Variants in SYN3 observed in about 807,000 individuals in gnomAD.
The protein encoded by SYN3 is synapsin-3.
SYN3 carries 35 observed loss-of-function variants against 65.8 expected under a neutral mutation model. The observed-to-expected ratio is 0.53, with a 90% confidence interval of 0.41 to 0.70. SYN3 has a LOEUF of 0.70. Among genes scored for constraint, SYN3 ranks in the 30% least tolerant of loss-of-function variants. SYN3 has a pLI of 0.00. For synonymous variants in SYN3, 270 were observed against 292.9 expected (o/e 0.92, Z 0.80); for missense variants, 680 against 749.0 (o/e 0.91, Z 1.08).
chr22:32,991,355 A>ATAATAC (rs2052710033), intron 2 of SYN3, among the ~76,000 whole-genome samples: 1 of 148,358 alleles, frequency 6.7e-6, no homozygotes, highest in African/African-American at 2.5e-5. Context: ...AATAATAATA[A>ATAATAC]TAATAATAAT....
At chr22:32,556,362 T>G (rs2058495615) in intron 7 of SYN3, among the ~76,000 whole-genome samples, 1 of 152,188 alleles carries the variant, frequency 6.6e-6, no homozygotes, top group Admixed American at 6.5e-5. Context: ...CCACGTGATT[T>G]TCACATGGTA....
intron 6 of SYN3, among the ~76,000 whole-genome samples, chr22:32,760,357 G>T (rs73156468): frequency 0.14 from 21,335 of 151,826 alleles, 1,518 homozygotes; most frequent in Middle Eastern, 0.2. Flanking sequence ...AGCACCTCCT[G>T]CATGCTTGGA....
chr22:32,818,692 C>T (rs1601439109), intron 6 of SYN3, among the ~76,000 whole-genome samples: 1 of 152,172 alleles, frequency 6.6e-6, no homozygotes, highest in African/African-American at 2.4e-5. Context: ...CCAGCTCTTG[C>T]ACCATTAACT....
At position 32,872,716 on chromosome 22, in the gene SYN3, C is replaced by A. The variant is rs188664037; in HGVS notation, c.462-3591G>T. On this transcript the variant is annotated intron_variant, in intron 4 of 13. Transcript: ENST00000358763. ...CTGGGCAACCTGTGGCATTCAGTTCCTCCCTCTGTACCCAGCACCCCAGGT... is the reference window on the plus strand; with the variant it reads ...CTGGGCAACCTGTGGCATTCAGTTCATCCCTCTGTACCCAGCACCCCAGGT... Among the ~76,000 whole-genome samples the A allele has an allele frequency of 1.3e-3, 200 of 152,218 alleles. 1 individual carries two copies. The highest frequency in any genetic ancestry group is 4.6e-3 in the African/African-American group (190 of 41,530).
intron 10 of SYN3, among the ~76,000 whole-genome samples, chr22:32,531,089 C>T (rs1351200723): frequency 1.4e-5 from 2 of 146,350 alleles, no homozygotes; most frequent in East Asian, 2.0e-4. Context: ...TGCCAGGGCC[C>T]CGGAAAACAG....
At chr22:32,577,921 T>A (rs964336119) in intron 7 of SYN3, among the ~76,000 whole-genome samples, 12 of 152,226 alleles carry the variant, frequency 7.9e-5, no homozygotes, top group African/African-American at 2.9e-4. Flanking sequence ...GTGTCTTTCT[T>A]TTTCAGAGCC....
chr22:32,855,057 A>G (rs2048326845), intron 6 of SYN3, among the ~76,000 whole-genome samples: 1 of 152,240 alleles, frequency 6.6e-6, no homozygotes, highest in Non-Finnish European at 1.5e-5. Context: ...GTAAATTAAT[A>G]CCAAATGCCA....
Position 32,528,945 on chromosome 22 carries a change from C to G in SYN3, c.1159G>C (p.Asp387His). 1.2e-6 allele frequency: 2 copies of G among 1,614,072 alleles called. No homozygotes were observed. Among genetic ancestry groups the G allele is most frequent in the Non-Finnish European group, 1.7e-6 (2 of 1,180,044 alleles). The change falls in exon 11 of 14, where the codon GAC (aspartate) becomes CAC (histidine). Residue 387 changes from aspartate to histidine, a missense_variant. By Grantham distance (81) the Asp-to-His change is moderately conservative (BLOSUM62 -1). Transcript: ENST00000358763. The part of the protein sequence containing the change: ...HVEEDRQLMA[D>H]LVVSKMSQLP... ...TGGCTCATTTTGGAGACAACAAGGTCGGCCATCAGCTGTCTGTCCTCTTCC... is the reference window on the plus strand; with the variant it reads ...TGGCTCATTTTGGAGACAACAAGGTGGGCCATCAGCTGTCTGTCCTCTTCC...
intron 4 of SYN3, among the ~76,000 whole-genome samples, chr22:32,882,716 A>T (rs1231255438): frequency 6.8e-6 from 1 of 147,526 alleles, no homozygotes; most frequent in Non-Finnish European, 1.5e-5. Context: ...ATAGTTCAGA[A>T]TTTTTTTTTT....
At chr22:32,544,145 C>T (rs2058301597) in intron 7 of SYN3, among the ~76,000 whole-genome samples, 1 of 152,168 alleles carries the variant, frequency 6.6e-6, no homozygotes. Context: ...ACTATGTTGA[C>T]CAGGCTGGTC....
chr22:32,816,813 C>T (rs1053861982), intron 6 of SYN3, among the ~76,000 whole-genome samples: 3 of 152,158 alleles, frequency 2.0e-5, no homozygotes, highest in Non-Finnish European at 4.4e-5. Flanking sequence ...AGCAGCACCT[C>T]TTGTAAGTCA....
chr22:32,741,496 C>T (rs1399434230), intron 6 of SYN3, among the ~76,000 whole-genome samples: 2 of 151,872 alleles, frequency 1.3e-5, no homozygotes, highest in Non-Finnish European at 1.5e-5. Flanking sequence ...GCTGGGACTA[C>T]AGGCGCCTGC....
intron 6 of SYN3, among the ~76,000 whole-genome samples, chr22:32,808,165 T>G (rs910546748): frequency 6.6e-6 from 1 of 152,210 alleles, no homozygotes; most frequent in African/African-American, 2.4e-5. Flanking sequence ...GAATAAGCAG[T>G]GGACCATTTA....
chr22:32,980,478 C>G (rs879283448), intron 3 of SYN3, among the ~76,000 whole-genome samples, 167 bp downstream of exon 3: 1 of 152,168 alleles, frequency 6.6e-6, no homozygotes, highest in Non-Finnish European at 1.5e-5. Context: ...AAACCACTGG[C>G]CCAAACAATT....
At chr22:32,567,966 G>A (rs1054392790) in intron 7 of SYN3, among the ~76,000 whole-genome samples, 1 of 152,152 alleles carries the variant, frequency 6.6e-6, no homozygotes, top group East Asian at 1.9e-4. Context: ...GTTTGGAGGG[G>A]GAAGCTTGCT....
rs770192521 is a variant in SYN3 at position 32,529,025 on chromosome 22, A to T, written c.1096-17T>A. ...GTCCATTACCTGTGGGGAGGAAGGG[A>T]GAGCTGAGGGACCCCCATGCCAGGA... On this transcript the variant is annotated splice_polypyrimidine_tract_variant and intron_variant, in intron 10 of 13. Transcript: ENST00000358763. 4.3e-6 allele frequency: 7 copies of T among 1,613,584 alleles called. No homozygotes were observed. The highest frequency in any genetic ancestry group is 5.9e-6 in the Non-Finnish European group (7 of 1,180,004).
chr22:32,823,843 C>G (rs1161890047), intron 6 of SYN3, among the ~76,000 whole-genome samples: 1 of 152,082 alleles, frequency 6.6e-6, no homozygotes, highest in Non-Finnish European at 1.5e-5. Flanking sequence ...ATGTCCACTC[C>G]TATAAGATGG....
intron 1 of SYN3, among the ~76,000 whole-genome samples, chr22:33,008,541 A>T (rs1378738789): frequency 6.6e-6 from 1 of 152,152 alleles, no homozygotes; most frequent in Non-Finnish European, 1.5e-5. Flanking sequence ...GTTGTATAGC[A>T]GTCATTCTAT....
At chr22:32,724,764 G>T (rs2061166772) in intron 6 of SYN3, among the ~76,000 whole-genome samples, 1 of 152,174 alleles carries the variant, frequency 6.6e-6, no homozygotes, top group Non-Finnish European at 1.5e-5. Context: ...ATGCCATTAG[G>T]ACTCTGGCAT....
Sources: allele counts gnomAD v4.1 joint callset (sites outside exome capture counted in the v4.1 genomes callset), GRCh38; gene constraint gnomAD v4.1.1; transcripts MANE v1.5; gene names NCBI Gene and HGNC (gene_info 2026-07-23, HGNC 2026-07-21).